The following MRPL12 variants were observed in gnomAD, a reference collection of about 807,000 sequenced individuals.
MRPL12 encodes the protein large ribosomal subunit protein bL12m.
Under a neutral mutation model 21.1 loss-of-function variants are expected in MRPL12, and 13 were observed. That is an observed-to-expected ratio of 0.62 (90% confidence interval 0.40 to 0.98). The LOEUF is 0.98. MRPL12 is among the 50% of genes least tolerant of loss of function. The pLI is 0.00. For synonymous variants in MRPL12, 126 were observed against 115.3 expected (o/e 1.09, Z -0.60); for missense variants, 251 against 268.6 (o/e 0.93, Z 0.46).
chr17:81,704,815 T>G (rs1437687019), intron 3 of MRPL12, 99 bp downstream of exon 3: 4 of 1,053,618 alleles, frequency 3.8e-6, no homozygotes, highest in Non-Finnish European at 5.6e-6. Flanking sequence ...CTACCGTCAT[T>G]GTCTGCAGCC....
intron 3 of MRPL12, among the ~76,000 whole-genome samples, chr17:81,706,056 G>A (rs985080589): frequency 3.3e-5 from 5 of 152,222 alleles, no homozygotes; most frequent in African/African-American, 1.2e-4. Context: ...GGGTCTCCAT[G>A]CGCCACGTCA....
intron 2 of MRPL12, 101 bp from the exon 3 acceptor site, chr17:81,704,532 G>GT: frequency 6.3e-7 from 1 of 1,575,562 alleles, no homozygotes; most frequent in Non-Finnish European, 8.7e-7. Flanking sequence ...TCAAAAGTGT[G>GT]TTTGTCCAGG....
chr17:81,706,863 C>G, intron 3 of MRPL12, 43 bp from the exon 4 acceptor site: 1 of 1,606,490 alleles, frequency 6.2e-7, no homozygotes, highest in Non-Finnish European at 8.5e-7. Context: ...TAGCTCCCCC[C>G]AGCCCTTTGT....
rs1159499893 is a variant in MRPL12, at chr17:81,707,007, C to A, written c.447C>A (p.Ile149=). The part of the protein sequence containing the change: ...PVDKVKLIKE[I]KNYIQGINLV... ...ACAAAGTGAAGCTGATCAAGGAAAT[C>A]AAGAACTACATCCAAGGCATCAACC... The change falls in exon 4 of 5, where the codon ATC becomes ATA. Residue 149 remains isoleucine, a synonymous_variant. Transcript: ENST00000333676. The A allele has an allele frequency of 1.9e-6, 3 of 1,614,020 alleles. No individual in the cohort carries two copies. The highest frequency in any genetic ancestry group is 2.5e-6 in the Non-Finnish European group (3 of 1,180,046).
chr17:81,705,285 G>A (rs984188952), intron 3 of MRPL12, among the ~76,000 whole-genome samples: 7 of 151,484 alleles, frequency 4.6e-5, no homozygotes, highest in African/African-American at 1.5e-4. Flanking sequence ...CAGCTACTTG[G>A]GAGGCTGAGG....
chr17:81,703,884 CA>C (rs1186399417), intron 1 of MRPL12, among the ~76,000 whole-genome samples: 2 of 152,238 alleles, frequency 1.3e-5, no homozygotes, highest in Non-Finnish European at 2.9e-5. Flanking sequence ...CAGGGGCCCC[CA>C]TGTTTTGGGA....
At chr17:81,706,062 C>T (rs974797101) in intron 3 of MRPL12, among the ~76,000 whole-genome samples, 7 of 152,236 alleles carry the variant, frequency 4.6e-5, no homozygotes, top group Non-Finnish European at 8.8e-5. Context: ...CCATGCGCCA[C>T]GTCAGAAGCG....
rs754645286 is a variant in MRPL12 at position 81,706,927 on chromosome 17, A to G, written c.367A>G (p.Ile123Val). 5 of 1,613,952 alleles carry G rather than the reference A, an allele frequency of 3.1e-6. No homozygotes were observed. The South Asian group carries it at 4.4e-5, about 14-fold the overall frequency. ...AQEAVEEDIP[I>V]AKERTHFTVR... ...TAAGGCGGTGGAAGAAGATATCCCC[A>G]TAGCGAAAGAACGGACACATTTCAC... The change falls in exon 4 of 5, where the codon ATA (isoleucine) becomes GTA (valine). Residue 123 changes from isoleucine (I) to valine (V), a missense_variant. Coordinates refer to ENST00000333676, the MANE Select transcript of MRPL12 (RefSeq NM_002949.4).
chr17:81,704,373 C>A lies in MRPL12; in HGVS notation c.204C>A (p.Val68=). The A allele has an allele frequency of 6.2e-7, 1 of 1,613,610 alleles. No individual in the cohort carries two copies. Among genetic ancestry groups the A allele is most frequent in the Admixed American group, 1.7e-5 (1 of 59,984 alleles). The change falls in exon 2 of 5, where the codon GTC becomes GTA. Residue 68 remains valine, a synonymous_variant. Transcript: ENST00000333676. The part of the protein sequence containing the change: ...KEYPPKIQQL[V]QDIASLTLLE... ...ACCCCCCCAAGATACAGCAGCTGGT[C>A]CAGGACATCGCCAGCCTCACTCTCT...
chr17:81,707,081 G>C (rs1348322507), intron 4 of MRPL12, 41 bp downstream of exon 4: 1 of 1,613,828 alleles, frequency 6.2e-7, no homozygotes, highest in South Asian at 1.1e-5. Flanking sequence ...GTTCCGTTGT[G>C]GTGGCCAGGG....
intron 3 of MRPL12, among the ~76,000 whole-genome samples, chr17:81,705,411 AGAG>A (rs1395411111): frequency 1.9e-4 from 28 of 147,658 alleles, no homozygotes; most frequent in African/African-American, 6.5e-4. Context: ...AAAAAAAAAA[AGAG>A]GAAAAAGAAA....
chr17:81,707,252 G>A lies in MRPL12; in HGVS notation c.*12G>A. The A allele has an allele frequency of 6.4e-7, 1 of 1,569,312 alleles. No homozygotes were observed. The highest frequency in any genetic ancestry group is 8.6e-7 in the Non-Finnish European group (1 of 1,156,534). On this transcript the variant is annotated 3_prime_UTR_variant, in exon 5 of 5. Transcript: ENST00000333676. ...TGGTTCTGGAGTAGCCTCCAGCTCG[G>A]AGGACTTGTGTTCAGGGGTCCTGGG...
Position 81,703,544 on chromosome 17 carries a change from G to C in MRPL12, c.43G>C (p.Gly15Arg). ...AARPLWGPCL[G>R]LRAAAFRLAR... ...TCGCCCCCTGTGGGGGCCTTGCCTTGGGCTTCGGGCCGCTGCGTTCCGCCT... is the reference window on the plus strand; with the variant it reads ...TCGCCCCCTGTGGGGGCCTTGCCTTCGGCTTCGGGCCGCTGCGTTCCGCCT... The change falls in exon 1 of 5, where the codon GGG becomes CGG. Residue 15 changes from glycine to arginine, a missense_variant. Gly to Arg is a moderately radical substitution (Grantham distance 125). Transcript: ENST00000333676. 6.8e-7 allele frequency: 1 copy of C among 1,468,000 alleles called. No individual in the cohort carries two copies. The highest frequency in any genetic ancestry group is 9.0e-7 in the Non-Finnish European group (1 of 1,116,186). 90.9% of individuals were successfully genotyped at this position (1,468,000 alleles called of 1,614,324 possible). A position where few individuals can be genotyped will look rare whatever the true frequency, so the allele number is the denominator to read the frequency against.
intron 3 of MRPL12, 48 bp from the exon 4 acceptor site, chr17:81,706,858 C>A: frequency 1.3e-6 from 2 of 1,599,230 alleles, no homozygotes; most frequent in Non-Finnish European, 1.7e-6. Context: ...GGCGTTAGCT[C>A]CCCCCAGCCC....
At chr17:81,704,137 T>G in intron 1 of MRPL12, 107 bp from the exon 2 acceptor site, 6 of 1,185,486 alleles carry the variant, frequency 5.1e-6, no homozygotes, top group Non-Finnish European at 7.0e-6. Context: ...ATTACCAGCC[T>G]GAGCTTATGG....
chr17:81,704,410 G>A lies in MRPL12; in HGVS notation c.241G>A (p.Asp81Asn). Reference protein sequence around the residue: ...IASLTLLEISDLNELLKKTLK... With the variant: ...IASLTLLEISNLNELLKKTLK... ...CAGCCTCACTCTCTTGGAAATCTCA[G>A]ACCTCAACGAGCTCCTGAAGGTATC... Residue 81 changes from aspartate (D) to asparagine (N), a missense_variant, in exon 2 of 5, where the codon GAC (aspartate) becomes AAC (asparagine). Coordinates refer to ENST00000333676, the MANE Select transcript of MRPL12 (RefSeq NM_002949.4). 1 of 1,612,768 alleles carries A rather than the reference G, an allele frequency of 6.2e-7. No individual in the cohort carries two copies. Among genetic ancestry groups the A allele is most frequent in the Non-Finnish European group, 8.5e-7 (1 of 1,179,500 alleles).
Position 81,707,380 on chromosome 17 carries a change from C to CCGCT in MRPL12, c.*140_*141insCGCT. The stretch of plus-strand genomic sequence containing the variant: ...AATTGCCTGCGCCACGCAGCGGGGC[C>CCGCT]GGACAGGCCGCACAGACCTACTGTG... On this transcript the variant is annotated 3_prime_UTR_variant, in exon 5 of 5. Coordinates refer to ENST00000333676, the MANE Select transcript of MRPL12 (RefSeq NM_002949.4). 1 of 830,240 alleles carries CCGCT rather than the reference C, an allele frequency of 1.2e-6. No individual in the cohort carries two copies. Among genetic ancestry groups the CCGCT allele is most frequent in the Non-Finnish European group, 1.8e-6 (1 of 541,130 alleles). The allele number at this position is 830,240 out of a possible 1,614,324, so 51.4% of individuals were successfully genotyped here.
chr17:81,703,839 G>A (rs991948094), intron 1 of MRPL12, among the ~76,000 whole-genome samples: 4 of 152,248 alleles, frequency 2.6e-5, no homozygotes, highest in Non-Finnish European at 5.9e-5. Context: ...CTTTTCCGCA[G>A]CAAAGGCCCA....
In MRPL12 at chr17:81,703,477, G is replaced by A. The variant is rs2037276786; in HGVS notation, c.-25G>A. The A allele has an allele frequency of 6.7e-7, 1 of 1,487,204 alleles. No individual in the cohort carries two copies. The highest frequency in any genetic ancestry group is 8.9e-7 in the Non-Finnish European group (1 of 1,124,548). The allele number at this position is 1,487,204 out of a possible 1,614,324, so 92.1% of individuals were successfully genotyped here. On this transcript the variant is annotated 5_prime_UTR_variant, in exon 1 of 5. It adds an upstream start codon to the 5' untranslated region. Coordinates refer to ENST00000333676, the MANE Select transcript of MRPL12 (RefSeq NM_002949.4). ...GCGTCGCCTCCTCCCGGGGAACCGC[G>A]TGTGACCTTCCAGCCCGCGGACCGA...
Sources: gnomAD v4.1 joint callset for allele counts (sites outside exome capture counted in the v4.1 genomes callset) on GRCh38, gnomAD v4.1.1 for gene constraint, MANE v1.5 for transcripts, NCBI Gene and HGNC (gene_info 2026-07-23, HGNC 2026-07-21) for gene names.